Variants in BLTP2 observed in about 807,000 individuals in gnomAD.
The protein encoded by BLTP2 is bridge-like lipid transfer protein family member 2.
At chr17:28,615,174 C>T in the BLTP2 span, 1 of 1,614,130 alleles carries the variant, frequency 6.2e-7, no homozygotes, top group Non-Finnish European at 8.5e-7. Context: ...ATGTTCAGGT[C>T]CGATTTAGTT....
the BLTP2 span, among the ~76,000 whole-genome samples, chr17:28,619,191 G>A: frequency 6.6e-6 from 1 of 152,038 alleles, no homozygotes; most frequent in South Asian, 2.1e-4. Context: ...TGATAAAGTA[G>A]TGTCTTCCCA....
the BLTP2 span, chr17:28,618,831 C>T: frequency 4.3e-6 from 7 of 1,613,940 alleles, no homozygotes. Flanking sequence ...TTCAGCAATT[C>T]CCAGCTGTCC....
the BLTP2 span, chr17:28,628,219 C>A: frequency 1.3e-6 from 2 of 1,538,786 alleles, no homozygotes; most frequent in South Asian, 1.1e-5. Flanking sequence ...AGCCCATATC[C>A]ATGTTCTAAA....
At chr17:28,644,225 C>G in the BLTP2 span, 1 of 1,602,762 alleles carries the variant, frequency 6.2e-7, no homozygotes, top group Non-Finnish European at 8.5e-7. Flanking sequence ...GGACCTTTTT[C>G]CAATGATGGT....
chr17:28,624,112 C>T, the BLTP2 span: 11 of 1,380,468 alleles, frequency 8.0e-6, no homozygotes, highest in Admixed American at 1.6e-4. Context: ...ACCTATGATA[C>T]CTATGAGAAG....
At chr17:28,633,137 G>C in the BLTP2 span, 1 of 1,580,942 alleles carries the variant, frequency 6.3e-7, no homozygotes, top group Non-Finnish European at 8.6e-7. Context: ...AGGTCAGGCA[G>C]GTGAAGGAAG....
the BLTP2 span, chr17:28,637,976 C>T: frequency 1.9e-5 from 31 of 1,614,048 alleles, no homozygotes; most frequent in Admixed American, 3.3e-5. Context: ...GGATAAGATA[C>T]GAGACAGACA....
chr17:28,639,889 C>G, the BLTP2 span: 8 of 1,613,898 alleles, frequency 5.0e-6, no homozygotes, highest in Non-Finnish European at 6.8e-6. Flanking sequence ...ACCAGTACCC[C>G]GACCCATGAA....
At chr17:28,628,114 G>GT in the BLTP2 span, 1 of 669,772 alleles carries the variant, frequency 1.5e-6, no homozygotes, top group Non-Finnish European at 2.5e-6. Flanking sequence ...TACTTAATAT[G>GT]TAAGACTTAG....
the BLTP2 span, among the ~76,000 whole-genome samples, chr17:28,632,418 T>C: frequency 6.6e-6 from 1 of 152,198 alleles, no homozygotes; most frequent in Admixed American, 6.5e-5. Flanking sequence ...TGCTTTCCCC[T>C]ACTGCTATGG....
At chr17:28,639,774 C>T in the BLTP2 span, 42 of 1,426,124 alleles carry the variant, frequency 2.9e-5, no homozygotes, top group Middle Eastern at 3.5e-4. Flanking sequence ...TATTTTCTCT[C>T]AGTATGTTCC....
the BLTP2 span, chr17:28,642,071 G>C: frequency 1.2e-6 from 2 of 1,613,760 alleles, no homozygotes; most frequent in Non-Finnish European, 1.7e-6. Context: ...CACTAGGCAG[G>C]TGTCCTCCTG....
At chr17:28,617,440 T>C in the BLTP2 span, 1 of 644,214 alleles carries the variant, frequency 1.6e-6, no homozygotes, top group Non-Finnish European at 2.8e-6. Context: ...CCTTGAGATC[T>C]CCTTCAAACT....
chr17:28,643,946 T>TGGGATTAACTAGAAAAGCCACC, the BLTP2 span: 1 of 1,335,010 alleles, frequency 7.5e-7, no homozygotes, highest in Non-Finnish European at 1.0e-6. Context: ...ATGGCAAGGC[T>TGGGATTAACTAGAAAAGCCACC]GGGATTAACT....
chr17:28,633,045 G>A, the BLTP2 span: 7 of 1,588,498 alleles, frequency 4.4e-6, no homozygotes, highest in African/African-American at 1.4e-5. Context: ...CCTCAGGCAG[G>A]AACTCTGGGG....
the BLTP2 span, chr17:28,644,950 G>A: frequency 1.9e-6 from 2 of 1,054,302 alleles, no homozygotes; most frequent in Non-Finnish European, 1.3e-6. Flanking sequence ...CCTCCCTCCC[G>A]CCGCCGCCGC....
chr17:28,643,140 G>A, the BLTP2 span: 1 of 1,613,966 alleles, frequency 6.2e-7, no homozygotes, highest in African/African-American at 1.3e-5. Context: ...GTACAGTCCA[G>A]GATAGCAGGA....
At chr17:28,637,729 T>C in the BLTP2 span, 1 of 1,047,496 alleles carries the variant, frequency 9.5e-7, no homozygotes, top group Non-Finnish European at 1.4e-6. Context: ...TCGAGTGCAG[T>C]GGCACCATCT....
At chr17:28,639,703 G>A in the BLTP2 span, 2 of 1,524,978 alleles carry the variant, frequency 1.3e-6, no homozygotes, top group Admixed American at 3.3e-5. Flanking sequence ...GTAAAACTGG[G>A]AGAGGGTCAG....
Sources: gnomAD v4.1 joint callset for allele counts (sites outside exome capture counted in the v4.1 genomes callset) on GRCh38, gnomAD v4.1.1 for gene constraint, MANE v1.5 for transcripts, NCBI Gene and HGNC (gene_info 2026-07-23, HGNC 2026-07-21) for gene names.